Variants in NLRP2 observed in about 807,000 individuals in gnomAD.
NLRP2 encodes NLR family pyrin domain containing 2.
In NLRP2, 107 loss-of-function variants were observed where a neutral mutation model predicts 97.2. The ratio of observed to expected loss-of-function variants is 1.10; its 90% CI spans 0.94 to 1.29. The LOEUF (loss-of-function observed/expected upper bound fraction) is 1.29, where lower values mean the gene tolerates loss of function less well. Among genes scored for constraint, NLRP2 ranks in the 50% most tolerant of loss-of-function variants. NLRP2 has a pLI of 0.00. For synonymous variants in NLRP2, 663 were observed against 551.5 expected (o/e 1.20, Z -2.83); for missense variants, 1,495 against 1,330.3 (o/e 1.12, Z -1.93).
intron 1 of NLRP2, among the ~76,000 whole-genome samples, chr19:54,966,848 TTTTC>T (rs2070465218): frequency 7.4e-6 from 1 of 135,078 alleles, no homozygotes; most frequent in African/African-American, 2.7e-5. Context: ...TTTTTTTTTT[TTTTC>T]TTCTCTTTTT....
At chr19:54,986,601 A>C (rs2072106802) in intron 8 of NLRP2, among the ~76,000 whole-genome samples, 1 of 151,948 alleles carries the variant, frequency 6.6e-6, no homozygotes, top group African/African-American at 2.4e-5. Flanking sequence ...CCCAGGCCAA[A>C]GTGCAATGGC....
At chr19:54,967,340 G>C (rs1036325346) in intron 1 of NLRP2, among the ~76,000 whole-genome samples, 1 of 152,046 alleles carries the variant, frequency 6.6e-6, no homozygotes, top group African/African-American at 2.4e-5. Flanking sequence ...AAATTAGGTG[G>C]GCGTGGTAGC....
chr19:54,978,069 TG>T (rs1048491135), intron 4 of NLRP2, among the ~76,000 whole-genome samples: 1 of 151,676 alleles, frequency 6.6e-6, no homozygotes, highest in African/African-American at 2.4e-5. Flanking sequence ...TTTTTGTTTT[TG>T]TTTTTGTTTT....
chr19:54,981,613 G>C lies in NLRP2; in HGVS notation c.398-4G>C. 7.0e-7 allele frequency: 1 copy of C among 1,422,164 alleles called. No individual in the cohort carries two copies. The highest frequency in any genetic ancestry group is 1.9e-4 in the Middle Eastern group (1 of 5,198). The allele number at this position is 1,422,164 out of a possible 1,614,324, so 88.1% of individuals were successfully genotyped here. ...TCAATCTCACATGAGTTTGTATTTT[G>C]TAGCGTTTACAGAAACGAAAGGAAA... On this transcript the variant is annotated splice_polypyrimidine_tract_variant and splice_region_variant and intron_variant, in intron 4 of 12. Coordinates refer to ENST00000448584, the MANE Select transcript of NLRP2 (RefSeq NM_017852.5).
intron 4 of NLRP2, among the ~76,000 whole-genome samples, chr19:54,978,863 AT>A (rs1420968979): frequency 1.2e-4 from 18 of 148,672 alleles, no homozygotes; most frequent in African/African-American, 4.0e-4. Context: ...AAAAAAAAAA[AT>A]TGACAGGCAT....
intron 4 of NLRP2, 108 bp from the exon 5 acceptor site, chr19:54,981,509 G>GGCCCCCCCCCCCCCC: frequency 2.1e-5 from 8 of 386,504 alleles, no homozygotes; most frequent in Non-Finnish European, 3.7e-5. Context: ...CTGATCCCGT[G>GGCCCCCCCCCCCCCC]CCCCCCCTCC....
rs61056923 is a variant in NLRP2 at position 55,000,713 on chromosome 19, TCTC to T, written c.3051-44_3051-42del. ...CAGGTACTTGGGAATTTGAAACAAA[TCTC>T]CTTGATGCACAAAGTAACCTTTTCT... On this transcript the variant is annotated intron_variant, in intron 12 of 12. Coordinates refer to ENST00000448584, the MANE Select transcript of NLRP2 (RefSeq NM_017852.5). 6,749 of 1,604,206 alleles carry T rather than the reference TCTC, an allele frequency of 4.2e-3. 253 individuals carry two copies. In the African/African-American group the frequency reaches 0.078, roughly 19 times the overall value.
intron 10 of NLRP2, among the ~76,000 whole-genome samples, chr19:54,991,704 A>G (rs2072487418): frequency 6.6e-6 from 1 of 151,838 alleles, no homozygotes; most frequent in Non-Finnish European, 1.5e-5. Context: ...CCCTGTCTCT[A>G]CTAAAAATAC....
chr19:54,966,318 C>G (rs968329214), upstream of NLRP2: 1 of 151,616 alleles, frequency 6.6e-6, no homozygotes, highest in Non-Finnish European at 1.5e-5. Context: ...CAAAAGACCT[C>G]TCAGTAATTC....
At chr19:54,971,094 A>G (rs1468185131) in intron 2 of NLRP2, among the ~76,000 whole-genome samples, 1 of 148,586 alleles carries the variant, frequency 6.7e-6, no homozygotes, top group Non-Finnish European at 1.5e-5. Flanking sequence ...TTCTTGTGAT[A>G]GTTTACTGAG....
intron 6 of NLRP2, 52 bp downstream of exon 6, chr19:54,983,780 C>T: frequency 6.3e-7 from 1 of 1,599,038 alleles, no homozygotes; most frequent in South Asian, 1.1e-5. Flanking sequence ...TCATCCCATG[C>T]CCCCTTAGGA....
intron 3 of NLRP2, among the ~76,000 whole-genome samples, chr19:54,975,713 A>T (rs1379504061): frequency 2.6e-5 from 4 of 151,928 alleles, no homozygotes; most frequent in Non-Finnish European, 5.9e-5. Flanking sequence ...CGGCCTCCCA[A>T]AGTGCTGGGA....
chr19:54,974,199 C>T (rs1352202781), intron 2 of NLRP2: 2 of 580,290 alleles, frequency 3.4e-6, no homozygotes, highest in Non-Finnish European at 6.2e-6. Context: ...ACTAAAAATA[C>T]AAAACTTAGC....
chr19:54,974,183 A>G (rs568592363), intron 2 of NLRP2: 41 of 586,440 alleles, frequency 7.0e-5, no homozygotes, highest in South Asian at 3.3e-4. Context: ...GTGAAACCCC[A>G]TCTCTACTAA....
At chr19:54,981,549 TCTAATTGGGACTCCACAGGAAATACA>T in intron 4 of NLRP2, 42 bp from the exon 5 acceptor site, 5 of 577,364 alleles carry the variant, frequency 8.7e-6, no homozygotes, top group South Asian at 7.0e-5. Context: ...CCTCCTTTTC[TCTAATTGGGACTCCACAGGAAATACA>T]CCTGATTTTG....
At chr19:54,998,137 G>T (rs549700954) in intron 12 of NLRP2, among the ~76,000 whole-genome samples, 2 of 148,932 alleles carry the variant, frequency 1.3e-5, no homozygotes, top group African/African-American at 4.9e-5. Context: ...TCATGCTTCA[G>T]CCTCCCAAGT....
At chr19:54,999,446 C>G (rs1257120125) in intron 12 of NLRP2, among the ~76,000 whole-genome samples, 1 of 152,194 alleles carries the variant, frequency 6.6e-6, no homozygotes, top group African/African-American at 2.4e-5. Flanking sequence ...CATGCCTGGC[C>G]TGCATCTCCT....
At chr19:54,986,883 TCTTTTTC>T (rs1030064482) in intron 8 of NLRP2, among the ~76,000 whole-genome samples, 2 of 151,162 alleles carry the variant, frequency 1.3e-5, no homozygotes, top group African/African-American at 4.9e-5. Flanking sequence ...TTTGGTTTTT[TCTTTTTC>T]TTTTTTCTTT....
intron 10 of NLRP2, among the ~76,000 whole-genome samples, chr19:54,992,574 G>GGT (rs2072558292): frequency 2.1e-5 from 2 of 94,974 alleles, no homozygotes; most frequent in African/African-American, 8.5e-5. Context: ...TTTTTTTTTG[G>GGT]TTTTTTTTTT....
Sources: allele counts gnomAD v4.1 joint callset (sites outside exome capture counted in the v4.1 genomes callset), GRCh38; gene constraint gnomAD v4.1.1; transcripts MANE v1.5; gene names NCBI Gene and HGNC (gene_info 2026-07-23, HGNC 2026-07-21).